GALNT13: variants seen among roughly 807,000 people sequenced by gnomAD.
GALNT13 encodes the protein UDP-GalNAc:polypeptide N-acetylgalactosaminyltransferase 13.
In GALNT13, 28 loss-of-function variants were observed where a neutral mutation model predicts 64.2. The observed-to-expected ratio is 0.44, with a 90% CI of 0.32 to 0.60. The LOEUF is 0.60. GALNT13 is among the 20% of genes least tolerant of loss of function. The pLI, the probability that GALNT13 is intolerant of heterozygous loss-of-function variation, is 0.05. For missense variants in GALNT13, 577 were observed against 669.8 expected (o/e 0.86, Z 1.53); for synonymous variants, 214 against 224.6 (o/e 0.95, Z 0.42).
chr2:153,923,875 A>AT (rs1448809414), intron 2 of GALNT13, among the ~76,000 whole-genome samples: 2 of 151,872 alleles, frequency 1.3e-5, no homozygotes, highest in Non-Finnish European at 2.9e-5. Context: ...TGAACTCATC[A>AT]TTTTTTATGG....
At chr2:153,442,210 G>A in the GALNT13 span, among the ~76,000 whole-genome samples, 28 of 152,094 alleles carry the variant, frequency 1.8e-4, no homozygotes, top group African/African-American at 6.5e-4. Context: ...ATAATCATGT[G>A]GTTTTTGTCA....
At position 154,242,988 on chromosome 2, in the gene GALNT13, C is replaced by G. The variant is rs1689580232; in HGVS notation, c.686+83C>G. 1.8e-6 allele frequency: 2 copies of G among 1,133,768 alleles called. 1 individual carries two copies. Among genetic ancestry groups the G allele is most frequent in the South Asian group, 3.0e-5 (2 of 66,848 alleles). 70.2% of individuals were successfully genotyped at this position (1,133,768 alleles called of 1,614,324 possible). ...CAGATGTCCATCAGAATTTCTCTTC[C>G]AAGTTGCTATTTTTAGAAGGTTTAT... On this transcript the variant is annotated intron_variant, in intron 6 of 12. Transcript: ENST00000392825.
At chr2:153,102,593 T>G in the GALNT13 span, among the ~76,000 whole-genome samples, 1 of 152,322 alleles carries the variant, frequency 6.6e-6, no homozygotes, top group South Asian at 2.1e-4. Flanking sequence ...TAGGCAATAT[T>G]ATTTAAATGA....
chr2:153,297,531 A>C, the GALNT13 span, among the ~76,000 whole-genome samples: 3 of 152,198 alleles, frequency 2.0e-5, no homozygotes, highest in Non-Finnish European at 4.4e-5. Flanking sequence ...GACAAGGTAG[A>C]GTTAGAGACA....
chr2:153,599,842 G>A, the GALNT13 span, among the ~76,000 whole-genome samples: 1 of 151,902 alleles, frequency 6.6e-6, no homozygotes. Flanking sequence ...TAAATCACAT[G>A]TAAATAAATT....
chr2:153,792,650 TAATA>T, the GALNT13 span, among the ~76,000 whole-genome samples: 1 of 152,196 alleles, frequency 6.6e-6, no homozygotes, highest in Non-Finnish European at 1.5e-5. Context: ...AATAGCTACA[TAATA>T]AATACTTGTA....
At chr2:154,067,843 C>G (rs1373564652) in intron 3 of GALNT13, among the ~76,000 whole-genome samples, 2 of 151,990 alleles carry the variant, frequency 1.3e-5, no homozygotes, top group African/African-American at 4.8e-5. Flanking sequence ...CAAGTACATG[C>G]AACCAAAGCA....
intron 3 of GALNT13, among the ~76,000 whole-genome samples, chr2:153,964,575 T>C (rs1693196652): frequency 6.6e-6 from 1 of 152,152 alleles, no homozygotes; most frequent in Non-Finnish European, 1.5e-5. Flanking sequence ...ATATATTATA[T>C]GTAATGATAT....
In GALNT13 at chr2:154,242,159, C is replaced by T. The variant is rs983496038; in HGVS notation, c.441C>T (p.Leu147=). The T allele has an allele frequency of 2.5e-6, 4 of 1,612,502 alleles. No individual in the cohort carries two copies. Among genetic ancestry groups the T allele is most frequent in the Non-Finnish European group, 3.4e-6 (4 of 1,179,462 alleles). Reference sequence around the variant, plus strand: ...TAAATCGTTCCCCACACTATCTACTCTCAGAGGTCATCTTGGTAGATGATG... The same window carrying T: ...TAAATCGTTCCCCACACTATCTACTTTCAGAGGTCATCTTGGTAGATGATG... The part of the protein sequence containing the change: ...SVINRSPHYL[L]SEVILVDDAS... Residue 147 remains leucine, a synonymous_variant, in exon 5 of 13, where the codon CTC becomes CTT. Transcript: ENST00000392825.
At chr2:154,405,585 A>T (rs114565007) in intron 10 of GALNT13, among the ~76,000 whole-genome samples, 2 of 14,822 alleles carry the variant, frequency 1.3e-4, no homozygotes, top group Non-Finnish European at 2.2e-4. Context: ...CATCTCTTCT[A>T]AAAAAAAAAA....
intron 3 of GALNT13, among the ~76,000 whole-genome samples, chr2:154,124,271 G>T (rs1009524189): frequency 7.2e-5 from 11 of 151,920 alleles, no homozygotes; most frequent in Non-Finnish European, 1.5e-4. Flanking sequence ...GTTAAAAAGA[G>T]AGAGATATGT....
At chr2:153,367,048 G>A in the GALNT13 span, among the ~76,000 whole-genome samples, 2 of 150,278 alleles carry the variant, frequency 1.3e-5, no homozygotes, top group Non-Finnish European at 3.0e-5. Context: ...ATTATCATCA[G>A]ACCTAATCTA....
the GALNT13 span, among the ~76,000 whole-genome samples, chr2:153,200,158 A>G: frequency 3.2e-3 from 494 of 152,362 alleles, 2 homozygotes; most frequent in African/African-American, 0.011. Context: ...CTTGAGACTG[A>G]AATCAGGTAT....
the GALNT13 span, among the ~76,000 whole-genome samples, chr2:153,149,503 G>A: frequency 6.6e-6 from 1 of 151,772 alleles, no homozygotes; most frequent in South Asian, 2.1e-4. Context: ...CCTTGTCCTG[G>A]TTCTTACTTC....
chr2:153,297,444 G>A, the GALNT13 span, among the ~76,000 whole-genome samples: 1 of 152,200 alleles, frequency 6.6e-6, no homozygotes, highest in South Asian at 2.1e-4. Context: ...AAATTGCAGA[G>A]TAGTTTTGAG....
At chr2:153,942,201 A>G (rs958022914) in intron 2 of GALNT13, among the ~76,000 whole-genome samples, 3 of 152,148 alleles carry the variant, frequency 2.0e-5, no homozygotes, top group African/African-American at 7.2e-5. Context: ...TTGATGGGGC[A>G]GGAAATATGT....
In GALNT13 at chr2:154,235,933, A is replaced by G. The variant is rs377745720; in HGVS notation, c.312-6097A>G. On this transcript the variant is annotated intron_variant, in intron 4 of 12. Transcript: ENST00000392825. ...CCTAGGGAAAAAGTGATAAATAGGA[A>G]TACTATTTCACTGTATTGCTATGTT... 1.3e-4 allele frequency: 45 copies of G among 346,636 alleles called. 3 individuals are homozygous for G. Among genetic ancestry groups the G allele is most frequent in the African/African-American group, 9.5e-4 (44 of 46,438 alleles). The allele number at this position is 346,636 out of a possible 1,614,324, so 21.5% of individuals were successfully genotyped here.
chr2:153,121,636 A>C, the GALNT13 span, among the ~76,000 whole-genome samples: 1 of 152,158 alleles, frequency 6.6e-6, no homozygotes, highest in Non-Finnish European at 1.5e-5. Context: ...GGTTCACGCA[A>C]GTCTGCCTCA....
the GALNT13 span, among the ~76,000 whole-genome samples, chr2:153,217,737 C>T: frequency 2.3e-3 from 348 of 152,246 alleles, 2 homozygotes; most frequent in African/African-American, 8.0e-3. Context: ...CCCTGTTTCT[C>T]TTAAATCTTT....
Sources: gnomAD v4.1 joint callset for allele counts (sites outside exome capture counted in the v4.1 genomes callset) on GRCh38, gnomAD v4.1.1 for gene constraint, MANE v1.5 for transcripts, NCBI Gene and HGNC (gene_info 2026-07-23, HGNC 2026-07-21) for gene names.